LARGE1: variants seen among roughly 807,000 people sequenced by gnomAD.
The protein encoded by LARGE1 is xylosyl- and glucuronyltransferase LARGE1.
LARGE1 carries 43 observed loss-of-function variants against 87.6 expected under a neutral mutation model. That is an observed-to-expected ratio of 0.49 (90% CI 0.38 to 0.63). LARGE1 has a LOEUF of 0.63. LARGE1 is among the 30% of genes least tolerant of loss of function. The pLI is 0.00. For missense variants in LARGE1, 802 were observed against 1,000.2 expected, an observed-to-expected ratio of 0.80 and a Z score of 2.67; for synonymous variants, 434 against 394.6, an observed-to-expected ratio of 1.10 and a Z score of -1.18.
chr22:33,750,059 C>G (rs980067978), intron 2 of LARGE1, among the ~76,000 whole-genome samples: 1 of 152,106 alleles, frequency 6.6e-6, no homozygotes, highest in Non-Finnish European at 1.5e-5. Flanking sequence ...TGTAAAATTC[C>G]TAGCCCAGCA....
At chr22:33,432,095 G>A in intron 7 of LARGE1, 66 bp downstream of exon 7, 1 of 1,293,840 alleles carries the variant, frequency 7.7e-7, no homozygotes, top group Non-Finnish European at 1.1e-6. Flanking sequence ...CTCCTCTCCT[G>A]CGGAAGGAGC....
intron 11 of LARGE1, among the ~76,000 whole-genome samples, chr22:33,224,829 G>A (rs1209970955): frequency 2.0e-5 from 3 of 152,220 alleles, no homozygotes; most frequent in Non-Finnish European, 4.4e-5. Flanking sequence ...GTCAGCCCCT[G>A]TCAGAAGAAG....
intron 7 of LARGE1, among the ~76,000 whole-genome samples, chr22:33,427,811 A>T (rs2147664022): frequency 6.6e-6 from 1 of 152,332 alleles, no homozygotes; most frequent in South Asian, 2.1e-4. Context: ...CATAAATGAG[A>T]AGCCCAAGGC....
At chr22:33,275,182 C>T (rs563483421) in intron 14 of LARGE1, among the ~76,000 whole-genome samples, 2 of 152,338 alleles carry the variant, frequency 1.3e-5, no homozygotes, top group African/African-American at 4.8e-5. Context: ...AAACCTCTCC[C>T]TGACACATCT....
At chr22:33,492,666 CA>C (rs1285750701) in intron 6 of LARGE1, among the ~76,000 whole-genome samples, 2 of 152,212 alleles carry the variant, frequency 1.3e-5, no homozygotes. Flanking sequence ...AACGAATATA[CA>C]GCCCAAATTA....
At chr22:33,720,322 G>A (rs568074983) in intron 2 of LARGE1, among the ~76,000 whole-genome samples, 2 of 152,038 alleles carry the variant, frequency 1.3e-5, no homozygotes, top group South Asian at 2.1e-4. Flanking sequence ...CGGAGCTCAC[G>A]GGGTAACGGG....
Position 33,541,212 on chromosome 22 carries a change from A to AG in LARGE1, c.787+23635_787+23636insC, listed in dbSNP as rs1191723853. On this transcript the variant is annotated intron_variant, in intron 6 of 14. Coordinates refer to ENST00000397394, the MANE Select transcript of LARGE1 (RefSeq NM_133642.5). ...GTGGGGGAAAAAAAGAAAAAAAAAA[A>AG]AAAAGAAAATATGGCAGGGAGAGGT... Among the ~76,000 whole-genome samples, 1,199 of 150,856 alleles carry AG rather than the reference A, an allele frequency of 7.9e-3. 19 individuals are homozygous for AG. Among genetic ancestry groups the AG allele is most frequent in the African/African-American group, 0.028 (1,141 of 41,112 alleles).
intron 6 of LARGE1, among the ~76,000 whole-genome samples, chr22:33,483,265 G>A (rs964031952): frequency 2.0e-5 from 3 of 152,040 alleles, no homozygotes; most frequent in South Asian, 2.1e-4. Context: ...ACCCCAATAC[G>A]GGCTTTCATC....
At chr22:33,631,921 C>T (rs562364131) in intron 3 of LARGE1, among the ~76,000 whole-genome samples, 1 of 152,176 alleles carries the variant, frequency 6.6e-6, no homozygotes, top group Non-Finnish European at 1.5e-5. Context: ...ATTTTTAGCT[C>T]CATTATGATC....
intron 12 of LARGE1, among the ~76,000 whole-genome samples, chr22:33,297,023 T>C (rs536355433): frequency 6.6e-6 from 1 of 152,262 alleles, no homozygotes; most frequent in Non-Finnish European, 1.5e-5. Context: ...TCAGTAAATG[T>C]TGAATGTTAT....
At chr22:33,566,208 A>G (rs901911850) in intron 5 of LARGE1, among the ~76,000 whole-genome samples, 1 of 152,240 alleles carries the variant, frequency 6.6e-6, no homozygotes, top group African/African-American at 2.4e-5. Flanking sequence ...ACAGCCATCA[A>G]AATGCCCCAA....
chr22:33,121,194 T>C, the LARGE1 span, among the ~76,000 whole-genome samples: 1 of 152,074 alleles, frequency 6.6e-6, no homozygotes, highest in South Asian at 2.1e-4. Context: ...TTTGTTTTTT[T>C]CCCCCAACAG....
intron 10 of LARGE1, among the ~76,000 whole-genome samples, chr22:33,332,072 C>G (rs935738223): frequency 4.6e-5 from 7 of 152,136 alleles, no homozygotes; most frequent in African/African-American, 1.7e-4. Context: ...ATGCTGCCTG[C>G]TAGAACACTA....
At chr22:33,403,703 A>T (rs1405352979) in intron 7 of LARGE1, among the ~76,000 whole-genome samples, 1 of 151,924 alleles carries the variant, frequency 6.6e-6, no homozygotes, top group Non-Finnish European at 1.5e-5. Context: ...TCTTGGGTTC[A>T]AGCGATTCTC....
At chr22:33,306,241 G>A (rs1301229747) in intron 11 of LARGE1, among the ~76,000 whole-genome samples, 1 of 152,142 alleles carries the variant, frequency 6.6e-6, no homozygotes, top group African/African-American at 2.4e-5. Flanking sequence ...GCCCTCTCCT[G>A]GGCTCTGATC....
intron 6 of LARGE1, among the ~76,000 whole-genome samples, chr22:33,502,675 C>T (rs182967431): frequency 1.5e-3 from 225 of 152,048 alleles, no homozygotes; most frequent in Admixed American, 2.6e-3. Context: ...TCCACGCCAT[C>T]CTCCTACCTC....
intron 5 of LARGE1, among the ~76,000 whole-genome samples, chr22:33,588,251 C>A (rs1396027022): frequency 1.3e-5 from 2 of 152,146 alleles, no homozygotes; most frequent in Admixed American, 6.5e-5. Context: ...ACCCATGCAT[C>A]AAAGGTATTT....
At chr22:33,224,021 C>T (rs372461581) in intron 11 of LARGE1, among the ~76,000 whole-genome samples, 2 of 152,138 alleles carry the variant, frequency 1.3e-5, no homozygotes, top group Non-Finnish European at 1.5e-5. Flanking sequence ...AGGATGGGCG[C>T]GGTGGCTCAC....
the LARGE1 span, among the ~76,000 whole-genome samples, chr22:33,131,176 T>C: frequency 6.6e-6 from 1 of 151,716 alleles, no homozygotes; most frequent in South Asian, 2.1e-4. Flanking sequence ...ATTAAATACA[T>C]CTCTTATATC....
Sources: allele counts gnomAD v4.1 joint callset (sites outside exome capture counted in the v4.1 genomes callset), GRCh38; gene constraint gnomAD v4.1.1; transcripts MANE v1.5; gene names NCBI Gene and HGNC (gene_info 2026-07-23, HGNC 2026-07-21).